Variants in CHD2 observed in about 807,000 individuals in gnomAD.
CHD2 encodes chromodomain helicase DNA binding protein 2.
Under a neutral mutation model 243.9 loss-of-function variants are expected in CHD2, and 28 were observed. That is an observed-to-expected ratio of 0.11 (90% CI 0.09 to 0.16). The LOEUF (loss-of-function observed/expected upper bound fraction) is 0.16, where lower values mean the gene tolerates loss of function less well. Among genes scored for constraint, CHD2 ranks in the 10% least tolerant of loss-of-function variants. CHD2 has a pLI of 1.00. For missense variants in CHD2, 1,386 were observed against 2,209.8 expected (o/e 0.63, Z 7.47); for synonymous variants, 775 against 779.0 (o/e 0.99, Z 0.09).
intron 2 of CHD2, among the ~76,000 whole-genome samples, chr15:92,922,564 CCT>C (rs2052978040): frequency 6.6e-6 from 1 of 152,130 alleles, no homozygotes; most frequent in South Asian, 2.1e-4. Flanking sequence ...GCCCTGTGCA[CCT>C]CTAGAAGATG....
chr15:92,926,814 TCTTA>T (rs965713453), intron 3 of CHD2, among the ~76,000 whole-genome samples: 1 of 152,212 alleles, frequency 6.6e-6, no homozygotes, highest in Non-Finnish European at 1.5e-5. Flanking sequence ...AATTCCTGAT[TCTTA>T]CTTAATTAGA....
intron 26 of CHD2, among the ~76,000 whole-genome samples, chr15:92,987,830 C>A (rs770644585): frequency 5.3e-5 from 8 of 150,472 alleles, no homozygotes; most frequent in Non-Finnish European, 1.2e-4. Flanking sequence ...TATAATATAC[C>A]ATTTTAATTA....
intron 7 of CHD2, among the ~76,000 whole-genome samples, chr15:92,940,800 TAA>T (rs1382324198): frequency 7.1e-6 from 1 of 139,968 alleles, no homozygotes; most frequent in Non-Finnish European, 1.5e-5. Context: ...TATAAATATA[TAA>T]ATAAATATAA....
intron 10 of CHD2, chr15:92,945,185 G>T (rs2053442227): frequency 6.6e-6 from 1 of 152,410 alleles, no homozygotes; most frequent in African/African-American, 2.4e-5. Flanking sequence ...GATTAGGACT[G>T]AGACTTGATC....
intron 21 of CHD2, 59 bp from the exon 22 acceptor site, chr15:92,979,076 T>A (rs2053944458): frequency 8.2e-6 from 13 of 1,581,858 alleles, no homozygotes; most frequent in Middle Eastern, 3.6e-4. Context: ...CCTTCTCTCT[T>A]TTTTTGGGGG....
chr15:92,929,204 G>GTC, intron 5 of CHD2, 113 bp downstream of exon 5: 1 of 962,222 alleles, frequency 1.0e-6, no homozygotes, highest in Non-Finnish European at 1.6e-6. Flanking sequence ...GTCTGCTTCT[G>GTC]TCTCTCTTAC....
At chr15:92,912,624 C>A (rs978378500) in intron 2 of CHD2, among the ~76,000 whole-genome samples, 2 of 152,246 alleles carry the variant, frequency 1.3e-5, no homozygotes, top group African/African-American at 4.8e-5. Context: ...GCCTCCACCT[C>A]CTGGGTTCAA....
At chr15:92,984,543 G>T in intron 25 of CHD2, 43 bp downstream of exon 25, 1 of 1,551,792 alleles carries the variant, frequency 6.4e-7, no homozygotes, top group African/African-American at 1.4e-5. Context: ...TTCTTATGTT[G>T]TGAATGCTAC....
intron 21 of CHD2, among the ~76,000 whole-genome samples, chr15:92,978,928 AT>A (rs1267340042): frequency 6.6e-6 from 1 of 152,184 alleles, no homozygotes; most frequent in Non-Finnish European, 1.5e-5. Flanking sequence ...AGGCAATTTT[AT>A]TTAAGACTGT....
Position 92,998,849 on chromosome 15 carries a change from T to C in CHD2, c.4008+228T>C, listed in dbSNP as rs7179483. 0.69 allele frequency among the ~76,000 whole-genome samples: 105,198 copies of C among 151,748 alleles called. 37,994 individuals are homozygous for C. The highest frequency in any genetic ancestry group is 0.99 in the East Asian group (5,115 of 5,150). On this transcript the variant is annotated intron_variant, in intron 31 of 38. Transcript: ENST00000394196. This position sits in a 1 kb window ranked among gnomAD's most constrained non-coding sequence, Gnocchi z 5.1. ...CTGTAATCCCAGCACTTTGGGAGGC[T>C]GAGGCGGGCGGATCACAAGGTCAGG...
chr15:92,998,613 G>A lies in CHD2; in HGVS notation c.4000G>A (p.Gly1334Arg), dbSNP rs753461730. ...GGAGAAGAAGGGGGCTGTGACAGGTGGGGAAGAGGTGAGTACGCTGCCAGC... is the reference window on the plus strand; with the variant it reads ...GGAGAAGAAGGGGGCTGTGACAGGTAGGGAAGAGGTGAGTACGCTGCCAGC... ...GLEKKGAVTG[G>R]EEAKLKKRKP... is the part of the protein sequence containing the mutation. Residue 1334 changes from glycine to arginine, a missense_variant, in exon 31 of 39, where the codon GGG becomes AGG. Around this residue, in one of 19 missense-constraint regions of CHD2, gnomAD observed 125 missense variants for 128.9 expected, o/e 0.97. Coordinates refer to ENST00000394196, the MANE Select transcript of CHD2 (RefSeq NM_001271.4). This position sits in a 1 kb window ranked among gnomAD's most constrained non-coding sequence, Gnocchi z 5.1. 6.2e-7 allele frequency: 1 copy of A among 1,612,518 alleles called. No homozygotes were observed. The highest frequency in any genetic ancestry group is 1.3e-5 in the African/African-American group (1 of 74,962).
intron 37 of CHD2, among the ~76,000 whole-genome samples, chr15:93,016,005 G>GTA (rs2054455628): frequency 6.6e-6 from 1 of 152,160 alleles, no homozygotes; most frequent in Non-Finnish European, 1.5e-5. Context: ...CCTTTACCAG[G>GTA]TATATATTCA....
Position 92,924,508 on chromosome 15 carries a change from G to C in CHD2, c.250G>C (p.Glu84Gln). Residue 84 changes from glutamate (E) to glutamine (Q), a missense_variant, in exon 3 of 39, where the codon GAG (glutamate) becomes CAG (glutamine). Coordinates refer to ENST00000394196, the MANE Select transcript of CHD2 (RefSeq NM_001271.4). ...KSQPVLPEAK[E>Q]KPASKKERIA... ...CCAGCCAGTCCTCCCAGAAGCCAAA[G>C]AGAAGCCAGCCTCTAAGAAGGAACG... is the stretch of plus-strand genomic sequence containing the variant. 1 of 1,614,128 alleles carries C rather than the reference G, an allele frequency of 6.2e-7. No homozygotes were observed. The highest frequency in any genetic ancestry group is 8.5e-7 in the Non-Finnish European group (1 of 1,180,006).
At chr15:92,986,606 C>A (rs1000406268) in intron 26 of CHD2, among the ~76,000 whole-genome samples, 1 of 152,116 alleles carries the variant, frequency 6.6e-6, no homozygotes, top group Non-Finnish European at 1.5e-5. Context: ...CTTCTTGCTC[C>A]CTATTCCCAG....
intron 14 of CHD2, 87 bp downstream of exon 14, chr15:92,953,660 A>G (rs2053581289): frequency 8.0e-7 from 1 of 1,248,504 alleles, no homozygotes. Flanking sequence ...ATCATCAGTA[A>G]AATTTGTGGT....
chr15:92,927,433 A>G (rs2053084001), intron 4 of CHD2, 103 bp downstream of exon 4: 1 of 800,564 alleles, frequency 1.2e-6, no homozygotes, highest in Non-Finnish European at 2.1e-6. Context: ...AACTTCAGGC[A>G]TGAGGGTTAA....
At chr15:92,925,605 G>C (rs1055938849) in intron 3 of CHD2, among the ~76,000 whole-genome samples, 2 of 152,182 alleles carry the variant, frequency 1.3e-5, no homozygotes, top group Non-Finnish European at 2.9e-5. Context: ...CTCTAGCAGA[G>C]GGCCAGGTGT....
intron 16 of CHD2, among the ~76,000 whole-genome samples, chr15:92,960,441 GTTTTC>G (rs1040469738): frequency 6.6e-6 from 1 of 152,076 alleles, no homozygotes; most frequent in Non-Finnish European, 1.5e-5. Flanking sequence ...GGTTGAGGAG[GTTTTC>G]TTTTCTTCCT....
At chr15:92,945,093 G>A (rs762139380) in intron 10 of CHD2, 1 of 152,574 alleles carries the variant, frequency 6.6e-6, no homozygotes, top group Non-Finnish European at 1.5e-5. Flanking sequence ...GGTGAGACAG[G>A]AGGAGAGCTG....
Sources: gnomAD v4.1 joint callset for allele counts (sites outside exome capture counted in the v4.1 genomes callset) on GRCh38, gnomAD v4.1.1 for gene constraint, gnomAD v4.1.1 regional missense constraint, Gnocchi (gnomAD v3.1) non-coding constraint, MANE v1.5 for transcripts, NCBI Gene and HGNC (gene_info 2026-07-23, HGNC 2026-07-21) for gene names.